SGCD: variants seen among roughly 807,000 people sequenced by gnomAD.
SGCD encodes sarcoglycan delta.
Under a neutral mutation model 36.6 loss-of-function variants are expected in SGCD, and 18 were observed. That is an observed-to-expected ratio of 0.49 (90% CI 0.34 to 0.73). The LOEUF is 0.73. Ranked by LOEUF, SGCD falls within the 30% of genes least tolerant of loss-of-function variation. The probability of loss-of-function intolerance (pLI) is 0.01; values close to 1 mark genes in which losing one functional copy is unlikely to be tolerated. For synonymous variants in SGCD, 133 were observed against 130.6 expected, an observed-to-expected ratio of 1.02 and a Z score of -0.12; for missense variants, 387 against 346.7, an observed-to-expected ratio of 1.12 and a Z score of -0.92.
At chr5:155,928,150 G>A (rs949122958) in intron 1 of SGCD, among the ~76,000 whole-genome samples, 1 of 152,118 alleles carries the variant, frequency 6.6e-6, no homozygotes, top group African/African-American at 2.4e-5. Flanking sequence ...AAAATGGAAG[G>A]GAGGTAGCTA....
At chr5:155,766,389 G>C in the SGCD span, among the ~76,000 whole-genome samples, 1 of 152,126 alleles carries the variant, frequency 6.6e-6, no homozygotes, top group Non-Finnish European at 1.5e-5. Context: ...GTAGCTGGGG[G>C]TGTGTTGGAG....
chr5:156,019,239 A>G (rs1026519076), intron 1 of SGCD, among the ~76,000 whole-genome samples: 1 of 152,236 alleles, frequency 6.6e-6, no homozygotes, highest in South Asian at 2.1e-4. Context: ...TGATTTCAAA[A>G]ACTGTAGTTA....
At chr5:156,679,391 A>G (rs912968858) in intron 7 of SGCD, among the ~76,000 whole-genome samples, 1 of 152,212 alleles carries the variant, frequency 6.6e-6, no homozygotes, top group African/African-American at 2.4e-5. Flanking sequence ...TGGTAGAACA[A>G]GACACTGCCA....
chr5:155,800,434 T>C, the SGCD span, among the ~76,000 whole-genome samples: 1 of 152,212 alleles, frequency 6.6e-6, no homozygotes, highest in Non-Finnish European at 1.5e-5. Flanking sequence ...GGGAATTATA[T>C]CTTGGCTGGT....
At chr5:156,557,640 T>A (rs1759081511) in intron 4 of SGCD, among the ~76,000 whole-genome samples, 1 of 152,154 alleles carries the variant, frequency 6.6e-6, no homozygotes, top group Admixed American at 6.6e-5. Context: ...TAGAAGAAGA[T>A]TTACTTTCAC....
chr5:156,021,748 G>A (rs1252085680), intron 1 of SGCD, among the ~76,000 whole-genome samples: 1 of 152,130 alleles, frequency 6.6e-6, no homozygotes, highest in Non-Finnish European at 1.5e-5. Context: ...GTGAGCCGGA[G>A]CCTGGCATAT....
chr5:156,051,162 G>A (rs1304435484), intron 1 of SGCD, among the ~76,000 whole-genome samples: 1 of 146,374 alleles, frequency 6.8e-6, no homozygotes, highest in Non-Finnish European at 1.5e-5. Context: ...TGAGTATTAT[G>A]GATTGTTATT....
chr5:156,521,785 G>T (rs1304800001), intron 4 of SGCD, among the ~76,000 whole-genome samples: 1 of 152,140 alleles, frequency 6.6e-6, no homozygotes, highest in Non-Finnish European at 1.5e-5. Context: ...AAGACAGTGT[G>T]GTGATTCCTC....
chr5:155,836,132 C>T, the SGCD span, among the ~76,000 whole-genome samples: 1 of 152,158 alleles, frequency 6.6e-6, no homozygotes, highest in Admixed American at 6.5e-5. Flanking sequence ...TCATCCTTCT[C>T]TGGGACTTAT....
intron 7 of SGCD, among the ~76,000 whole-genome samples, chr5:156,653,747 G>C (rs1763566113): frequency 1.3e-5 from 2 of 151,866 alleles, no homozygotes; most frequent in African/African-American, 4.8e-5. Context: ...TATTGACCTT[G>C]GATATTGTGT....
At chr5:156,725,065 G>A (rs1755704691) in intron 7 of SGCD, among the ~76,000 whole-genome samples, 1 of 152,200 alleles carries the variant, frequency 6.6e-6, no homozygotes, top group Non-Finnish European at 1.5e-5. Flanking sequence ...GCCACTCACT[G>A]GGAAAGGAAG....
At chr5:155,779,897 G>A in the SGCD span, among the ~76,000 whole-genome samples, 7 of 152,056 alleles carry the variant, frequency 4.6e-5, no homozygotes, top group African/African-American at 1.7e-4. Context: ...TTTTTATTAA[G>A]AGGAAATCTG....
chr5:156,158,137 G>C (rs953763504), intron 3 of SGCD, among the ~76,000 whole-genome samples: 5 of 151,254 alleles, frequency 3.3e-5, no homozygotes, highest in African/African-American at 7.4e-5. Context: ...AGTGCTGGAG[G>C]TTTAGAAACT....
At chr5:156,159,414 C>T (rs1446266752) in intron 3 of SGCD, among the ~76,000 whole-genome samples, 1 of 151,300 alleles carries the variant, frequency 6.6e-6, no homozygotes, top group Admixed American at 6.6e-5. Context: ...TGAAAAAAAT[C>T]TAGCATCTGG....
chr5:156,068,643 T>C (rs1385915171), intron 1 of SGCD, among the ~76,000 whole-genome samples: 2 of 151,764 alleles, frequency 1.3e-5, no homozygotes, highest in African/African-American at 4.9e-5. Context: ...TACCCAGTAA[T>C]GGGATGGCTG....
chr5:156,642,494 G>A (rs994516821), intron 6 of SGCD, among the ~76,000 whole-genome samples: 12 of 140,154 alleles, frequency 8.6e-5, no homozygotes, highest in African/African-American at 3.1e-4. Flanking sequence ...TTCCAAGACG[G>A]AGTCTTGTTC....
chr5:156,018,255 T>C (rs1012675656), intron 1 of SGCD, among the ~76,000 whole-genome samples: 1 of 152,214 alleles, frequency 6.6e-6, no homozygotes, highest in African/African-American at 2.4e-5. Flanking sequence ...TCTCATTTTT[T>C]TTCTAACTTT....
intron 3 of SGCD, among the ~76,000 whole-genome samples, chr5:156,350,374 C>T (rs1769186886): frequency 6.6e-6 from 1 of 151,080 alleles, no homozygotes; most frequent in Non-Finnish European, 1.5e-5. Flanking sequence ...TAATCAAACC[C>T]CCTGTGTAAT....
chr5:156,738,527 T>C (rs1303901923), intron 7 of SGCD: 1 of 152,236 alleles, frequency 6.6e-6, no homozygotes, highest in South Asian at 2.1e-4. Context: ...TCCTCTCTCA[T>C]AGTTGTTAAA....
Sources: allele counts gnomAD v4.1 joint callset (sites outside exome capture counted in the v4.1 genomes callset), GRCh38; gene constraint gnomAD v4.1.1; transcripts MANE v1.5; gene names NCBI Gene and HGNC (gene_info 2026-07-23, HGNC 2026-07-21).